The following GALNTL6 variants were observed in gnomAD, a reference collection of about 807,000 sequenced individuals.
The protein encoded by GALNTL6 is polypeptide N-acetylgalactosaminyltransferase-like 6.
Under a neutral mutation model 73.7 loss-of-function variants are expected in GALNTL6, and 46 were observed. The observed-to-expected ratio is 0.62, with a 90% CI of 0.49 to 0.80. GALNTL6 has a LOEUF of 0.80. GALNTL6 is among the 30% of genes least tolerant of loss of function. The pLI is 0.00. For missense variants in GALNTL6, 604 were observed against 755.0 expected (o/e 0.80, Z 2.34); for synonymous variants, 259 against 263.7 (o/e 0.98, Z 0.17).
intron 2 of GALNTL6, among the ~76,000 whole-genome samples, chr4:172,103,155 T>G (rs1387255334): frequency 6.6e-6 from 1 of 152,170 alleles, no homozygotes; most frequent in Non-Finnish European, 1.5e-5. Context: ...AATCACCCAG[T>G]GTGGTATGGG....
chr4:172,669,916 G>A (rs985783353), intron 5 of GALNTL6, among the ~76,000 whole-genome samples: 4 of 152,090 alleles, frequency 2.6e-5, no homozygotes, highest in Non-Finnish European at 5.9e-5. Context: ...GAGAGCATGT[G>A]GTATTTGGTT....
chr4:172,063,478 T>A (rs1168228214), intron 2 of GALNTL6, among the ~76,000 whole-genome samples: 1 of 152,200 alleles, frequency 6.6e-6, no homozygotes, highest in African/African-American at 2.4e-5. Context: ...TAAAGAACTT[T>A]TTTTTGGCTT....
At chr4:171,876,913 C>T (rs1035506364) in intron 2 of GALNTL6, among the ~76,000 whole-genome samples, 1 of 152,116 alleles carries the variant, frequency 6.6e-6, no homozygotes, top group Non-Finnish European at 1.5e-5. Flanking sequence ...CCAAAATAGC[C>T]CCCAGTCTCT....
intron 5 of GALNTL6, among the ~76,000 whole-genome samples, chr4:172,455,871 AGTG>A (rs1732380379): frequency 6.6e-6 from 1 of 152,184 alleles, no homozygotes; most frequent in Non-Finnish European, 1.5e-5. Context: ...TGCCTCCTCA[AGTG>A]GGTCCCTGAC....
At chr4:172,145,029 C>T (rs1018027911) in intron 2 of GALNTL6, among the ~76,000 whole-genome samples, 5 of 152,104 alleles carry the variant, frequency 3.3e-5, no homozygotes, top group African/African-American at 1.2e-4. Context: ...GTGATCATGG[C>T]TCACTGCAGT....
intron 5 of GALNTL6, among the ~76,000 whole-genome samples, chr4:172,774,484 A>C (rs1354277490): frequency 6.6e-6 from 1 of 152,194 alleles, no homozygotes; most frequent in Non-Finnish European, 1.5e-5. Flanking sequence ...AATATTGAAG[A>C]TTACTTCGAT....
intron 2 of GALNTL6, among the ~76,000 whole-genome samples, chr4:172,223,907 AT>A (rs1579273775): frequency 6.6e-6 from 1 of 152,052 alleles, no homozygotes; most frequent in East Asian, 1.9e-4. Flanking sequence ...ATAGTGTTCC[AT>A]TTGCTTAAAA....
intron 5 of GALNTL6, among the ~76,000 whole-genome samples, chr4:172,694,717 T>C (rs142996335): frequency 3.3e-5 from 5 of 152,348 alleles, no homozygotes; most frequent in Admixed American, 2.0e-4. Context: ...AGCTGAGATC[T>C]GTAGACTTGG....
At chr4:172,296,037 TTATTA>T (rs1739660694) in intron 3 of GALNTL6, among the ~76,000 whole-genome samples, 1 of 152,120 alleles carries the variant, frequency 6.6e-6, no homozygotes, top group Admixed American at 6.5e-5. Flanking sequence ...ATGCTTGACA[TTATTA>T]TGTTTCTAAC....
At chr4:171,980,651 C>A (rs1478593263) in intron 2 of GALNTL6, among the ~76,000 whole-genome samples, 1 of 152,156 alleles carries the variant, frequency 6.6e-6, no homozygotes, top group Non-Finnish European at 1.5e-5. Flanking sequence ...AACACACAAT[C>A]GGAAGCAGTG....
intron 3 of GALNTL6, among the ~76,000 whole-genome samples, chr4:172,236,483 C>G (rs1249796146): frequency 6.7e-6 from 1 of 150,236 alleles, no homozygotes; most frequent in Non-Finnish European, 1.5e-5. Flanking sequence ...TGGCATGAAC[C>G]CGGGAGGCAG....
intron 5 of GALNTL6, among the ~76,000 whole-genome samples, chr4:172,398,519 A>T (rs1245590424): frequency 6.6e-6 from 1 of 152,180 alleles, no homozygotes; most frequent in African/African-American, 2.4e-5. Flanking sequence ...TTTTCAAAAT[A>T]AGACTAGCTT....
At chr4:172,877,099 A>G (rs1242082562) in intron 7 of GALNTL6, among the ~76,000 whole-genome samples, 1 of 152,172 alleles carries the variant, frequency 6.6e-6, no homozygotes, top group Non-Finnish European at 1.5e-5. Context: ...TAAGAGGCCA[A>G]ATTGGTAGTC....
At chr4:171,967,452 T>TG (rs1560863134) in intron 2 of GALNTL6, among the ~76,000 whole-genome samples, 11 of 122,558 alleles carry the variant, frequency 9.0e-5, no homozygotes, top group Admixed American at 7.9e-5. Context: ...TATGGGTTTT[T>TG]TTTTTTTTTT....
intron 5 of GALNTL6, among the ~76,000 whole-genome samples, chr4:172,495,207 T>C (rs185891684): frequency 1.1e-4 from 17 of 152,218 alleles, no homozygotes; most frequent in Admixed American, 1.1e-3. Context: ...GGCTAAAATA[T>C]AGGCAAAAGG....
intron 2 of GALNTL6, among the ~76,000 whole-genome samples, chr4:172,042,030 A>G (rs113866466): frequency 1.3e-5 from 2 of 152,198 alleles, no homozygotes; most frequent in African/African-American, 4.8e-5. Context: ...TGAAAAGGTC[A>G]TGTGTAGAAA....
chr4:172,758,465 G>T (rs1038421732), intron 5 of GALNTL6, among the ~76,000 whole-genome samples: 2 of 152,176 alleles, frequency 1.3e-5, no homozygotes, highest in African/African-American at 4.8e-5. Context: ...GAACCCAGGA[G>T]GCAGAGGTTT....
intron 2 of GALNTL6, among the ~76,000 whole-genome samples, chr4:171,819,801 C>A (rs1734635198): frequency 6.6e-6 from 1 of 152,132 alleles, no homozygotes; most frequent in East Asian, 1.9e-4. Flanking sequence ...TCCCATTTCT[C>A]CCTTGATTGG....
chr4:172,321,414 TA>T (rs1412606235), intron 4 of GALNTL6, among the ~76,000 whole-genome samples: 1 of 152,116 alleles, frequency 6.6e-6, no homozygotes, highest in Non-Finnish European at 1.5e-5. Flanking sequence ...AAAGAAACAG[TA>T]AAGTGTGACC....
Sources: gnomAD v4.1 joint callset for allele counts (sites outside exome capture counted in the v4.1 genomes callset) on GRCh38, gnomAD v4.1.1 for gene constraint, MANE v1.5 for transcripts, NCBI Gene and HGNC (gene_info 2026-07-23, HGNC 2026-07-21) for gene names.